The following BRDT variants were observed in gnomAD, a reference collection of about 807,000 sequenced individuals.
BRDT encodes the protein bromodomain testis-specific protein.
BRDT carries 77 observed loss-of-function variants against 113.9 expected under a neutral mutation model. The observed-to-expected ratio is 0.68, with a 90% CI of 0.56 to 0.82. The LOEUF (loss-of-function observed/expected upper bound fraction) is 0.82, where lower values mean the gene tolerates loss of function less well. Among genes scored for constraint, BRDT ranks in the 40% least tolerant of loss-of-function variants. BRDT has a pLI of 0.00. For synonymous variants in BRDT, 358 were observed against 366.5 expected (o/e 0.98, Z 0.26); for missense variants, 1,027 against 1,105.4 (o/e 0.93, Z 1.01).
intron 18 of BRDT, among the ~76,000 whole-genome samples, chr1:92,009,912 T>C (rs567113680): frequency 1.2e-4 from 18 of 152,138 alleles, no homozygotes; most frequent in African/African-American, 4.1e-4. Context: ...AATTTAGAAC[T>C]CTAGAGCTTT....
intron 18 of BRDT, among the ~76,000 whole-genome samples, chr1:92,005,849 G>A (rs1687249522): frequency 6.6e-6 from 1 of 152,208 alleles, no homozygotes; most frequent in South Asian, 2.1e-4. Flanking sequence ...AACCACCTAT[G>A]AATTGTGGCC....
chr1:91,960,308 T>C lies in BRDT; in HGVS notation c.-37-2410T>C, dbSNP rs375308595. On this transcript the variant is annotated intron_variant, in intron 1 of 18. Coordinates refer to ENST00000399546, the MANE Select transcript of BRDT (RefSeq NM_207189.4). Reference sequence around the variant, plus strand: ...GTGGAAGCAACCCAAGTGGCATCAATGAATGAATGGATAAAGAAAATGATA... The same window carrying C: ...GTGGAAGCAACCCAAGTGGCATCAACGAATGAATGGATAAAGAAAATGATA... Among the ~76,000 whole-genome samples, 10 of 152,226 alleles carry C rather than the reference T, an allele frequency of 6.6e-5. No homozygotes were observed. In the East Asian group the frequency reaches 1.7e-3, roughly 26 times the overall value.
intron 3 of BRDT, among the ~76,000 whole-genome samples, chr1:91,967,275 T>C (rs1683158186): frequency 6.6e-6 from 1 of 152,032 alleles, no homozygotes; most frequent in Admixed American, 6.6e-5. Context: ...TCGCTCTTGT[T>C]GCCCAGGCTG....
chr1:91,990,881 T>G (rs1468329413), intron 12 of BRDT, among the ~76,000 whole-genome samples: 1 of 152,172 alleles, frequency 6.6e-6, no homozygotes, highest in Non-Finnish European at 1.5e-5. Context: ...CACTGCAACC[T>G]CCGCTTCCCA....
At chr1:91,950,039 C>G (rs757832408) in intron 1 of BRDT, 1 of 152,100 alleles carries the variant, frequency 6.6e-6, no homozygotes, top group Non-Finnish European at 1.5e-5. Flanking sequence ...CGGGTTCTTG[C>G]TTCATTTATT....
intron 12 of BRDT, among the ~76,000 whole-genome samples, chr1:91,989,078 G>A (rs954025701): frequency 5.9e-5 from 9 of 151,496 alleles, no homozygotes; most frequent in African/African-American, 1.2e-4. Context: ...GATTACAGGC[G>A]TAAGCCACTG....
At chr1:91,982,291 A>G (rs921434306) in intron 12 of BRDT, among the ~76,000 whole-genome samples, 2 of 152,186 alleles carry the variant, frequency 1.3e-5, no homozygotes, top group Admixed American at 6.5e-5. Flanking sequence ...CCATCTATAG[A>G]AAAATGTACT....
At chr1:91,952,327 G>A (rs966918204) in intron 1 of BRDT, 2 of 152,134 alleles carry the variant, frequency 1.3e-5, no homozygotes, top group Admixed American at 6.6e-5. Flanking sequence ...TGTGATGTAG[G>A]CTGTAAAGAC....
chr1:91,988,116 G>A, intron 12 of BRDT, among the ~76,000 whole-genome samples: 1 of 152,172 alleles, frequency 6.6e-6, no homozygotes, highest in Non-Finnish European at 1.5e-5. Context: ...CAAAGTGCTG[G>A]AATCACAGGT....
At chr1:91,977,498 TCATC>T in intron 6 of BRDT, 105 bp downstream of exon 6, 1 of 995,164 alleles carries the variant, frequency 1.0e-6, no homozygotes. Flanking sequence ...GAAATTAAGA[TCATC>T]CAAGTCACAC....
chr1:92,008,587 G>T (rs1687539166), intron 18 of BRDT, among the ~76,000 whole-genome samples: 1 of 152,090 alleles, frequency 6.6e-6, no homozygotes, highest in Non-Finnish European at 1.5e-5. Context: ...TGACAAATGT[G>T]TAATGATATA....
chr1:92,008,295 A>G lies in BRDT; in HGVS notation c.2775+2996A>G, dbSNP rs575709673. Among the ~76,000 whole-genome samples, 12 of 152,300 alleles carry G rather than the reference A, an allele frequency of 7.9e-5. No individual in the cohort carries two copies. In the South Asian group the frequency reaches 2.5e-3, roughly 32 times the overall value. On this transcript the variant is annotated intron_variant, in intron 18 of 18. Coordinates refer to ENST00000399546, the MANE Select transcript of BRDT (RefSeq NM_207189.4). ...AAAGGACTTCCTTTGAACATTTCTT[A>G]TAGTCTGGGTCCGCTGGCAATAGTT...
intron 15 of BRDT, among the ~76,000 whole-genome samples, chr1:91,999,285 G>C (rs1237772588): frequency 6.6e-6 from 1 of 152,170 alleles, no homozygotes; most frequent in Admixed American, 6.5e-5. Context: ...TACTGTCCAG[G>C]TTGACAGACC....
Position 91,977,323 on chromosome 1 carries a change from A to T in BRDT, c.899A>T (p.Asp300Val). 6.2e-7 allele frequency: 1 copy of T among 1,613,916 alleles called. No individual in the cohort carries two copies. Among genetic ancestry groups the T allele is most frequent in the Non-Finnish European group, 8.5e-7 (1 of 1,179,974 alleles). Residue 300 changes from aspartate to valine, a missense_variant, in exon 6 of 19, where the codon GAC (aspartate) becomes GTC (valine). Physicochemically the swap from Asp to Val is radical, Grantham distance 152. Transcript: ENST00000399546. Reference protein sequence around the residue: ...SYAWPFYNPVDVNALGLHNYY... With the variant: ...SYAWPFYNPVVVNALGLHNYY... ...GCATGGCCCTTTTATAATCCTGTTG[A>T]CGTTAATGCTTTGGGACTCCATAAC...
At chr1:92,013,882 G>A (rs1008383826) in intron 18 of BRDT, among the ~76,000 whole-genome samples, 4 of 152,114 alleles carry the variant, frequency 2.6e-5, no homozygotes, top group African/African-American at 7.2e-5. Flanking sequence ...TGCTCTCAGC[G>A]TTCATGTTCT....
intron 4 of BRDT, among the ~76,000 whole-genome samples, chr1:91,973,840 C>T (rs1009613719): frequency 6.6e-6 from 1 of 152,172 alleles, no homozygotes; most frequent in African/African-American, 2.4e-5. Flanking sequence ...TGAGAGAGGG[C>T]ATCCCTGTCT....
intron 12 of BRDT, among the ~76,000 whole-genome samples, chr1:91,983,888 T>C (rs199827316): frequency 6.6e-6 from 1 of 151,946 alleles, no homozygotes; most frequent in Admixed American, 6.6e-5. Flanking sequence ...CACCATGTTG[T>C]CCAGGCTGGT....
chr1:91,981,890 A>G, intron 12 of BRDT, 135 bp downstream of exon 12: 1 of 1,207,918 alleles, frequency 8.3e-7, no homozygotes. Flanking sequence ...ATTTAATTGC[A>G]TGTTGACAAT....
chr1:91,998,496 A>T (rs963750780), intron 15 of BRDT, among the ~76,000 whole-genome samples: 4 of 152,212 alleles, frequency 2.6e-5, no homozygotes, highest in South Asian at 2.1e-4. Context: ...AAAGTATAAT[A>T]AAAAAATTTT....
Sources: gnomAD v4.1 joint callset for allele counts (sites outside exome capture counted in the v4.1 genomes callset) on GRCh38, gnomAD v4.1.1 for gene constraint, MANE v1.5 for transcripts, NCBI Gene and HGNC (gene_info 2026-07-23, HGNC 2026-07-21) for gene names.